SLC45A2: variants seen among roughly 807,000 people sequenced by gnomAD.
The protein encoded by SLC45A2 is solute carrier family 45 member 2.
Under a neutral mutation model 45.5 loss-of-function variants are expected in SLC45A2, and 36 were observed. That is an observed-to-expected ratio of 0.79 (90% CI 0.61 to 1.04). SLC45A2 has a LOEUF of 1.04. Ranked by LOEUF, SLC45A2 falls within the 50% of genes least tolerant of loss-of-function variation. The pLI, the probability that SLC45A2 is intolerant of heterozygous loss-of-function variation, is 0.00. For missense variants in SLC45A2, 719 were observed against 671.0 expected (o/e 1.07, Z -0.79); for synonymous variants, 306 against 269.3 (o/e 1.14, Z -1.33).
At chr5:33,946,445 G>A in intron 6 of SLC45A2, 1 of 985,662 alleles carries the variant, frequency 1.0e-6, no homozygotes, top group South Asian at 4.7e-5. Context: ...TCCAGTTAAG[G>A]AACTATAAGC....
At chr5:33,955,982 C>T (rs1437775632) in intron 3 of SLC45A2, among the ~76,000 whole-genome samples, 3 of 151,960 alleles carry the variant, frequency 2.0e-5, no homozygotes, top group East Asian at 1.9e-4. Context: ...CAGCAGTTTA[C>T]AAATGGATAA....
At chr5:33,975,151 T>C (rs1752891338) in intron 2 of SLC45A2, among the ~76,000 whole-genome samples, 1 of 152,210 alleles carries the variant, frequency 6.6e-6, no homozygotes, top group African/African-American at 2.4e-5. Context: ...AGCAAAGACA[T>C]GCACGGGAGA....
At chr5:33,960,324 T>C (rs948148320) in intron 3 of SLC45A2, among the ~76,000 whole-genome samples, 32 of 152,114 alleles carry the variant, frequency 2.1e-4, no homozygotes, top group African/African-American at 7.7e-4. Flanking sequence ...CACTTGTTGA[T>C]TGATGGGCAT....
At chr5:33,977,311 A>T (rs1405529825) in intron 2 of SLC45A2, among the ~76,000 whole-genome samples, 1 of 152,182 alleles carries the variant, frequency 6.6e-6, no homozygotes, top group Non-Finnish European at 1.5e-5. Flanking sequence ...AACAGACCAT[A>T]AAGGCCCCAG....
intron 2 of SLC45A2, among the ~76,000 whole-genome samples, chr5:33,973,193 C>T (rs943394856): frequency 6.6e-6 from 1 of 152,126 alleles, no homozygotes; most frequent in African/African-American, 2.4e-5. Context: ...GGACAAAGTC[C>T]CCCAGATTCC....
intron 5 of SLC45A2, among the ~76,000 whole-genome samples, chr5:33,948,548 G>A (rs1024780112): frequency 6.6e-6 from 1 of 152,138 alleles, no homozygotes; most frequent in African/African-American, 2.4e-5. Context: ...CAGTACATTT[G>A]AATCAATTAT....
At chr5:33,956,650 T>C (rs1485429125) in intron 3 of SLC45A2, among the ~76,000 whole-genome samples, 1 of 152,166 alleles carries the variant, frequency 6.6e-6, no homozygotes, top group African/African-American at 2.4e-5. Context: ...ACAAGGGCAA[T>C]GTTGTGATAA....
chr5:33,982,462 C>G, intron 1 of SLC45A2, 50 bp from the exon 2 acceptor site: 1 of 1,577,330 alleles, frequency 6.3e-7, no homozygotes, highest in Non-Finnish European at 8.7e-7. Context: ...TAGAATCATC[C>G]GCGTTTTGTA....
intron 2 of SLC45A2, among the ~76,000 whole-genome samples, chr5:33,972,890 T>A (rs1341001456): frequency 1.3e-5 from 2 of 152,232 alleles, no homozygotes; most frequent in Admixed American, 1.3e-4. Context: ...TAGGTGAGCA[T>A]TTTGTAAAAC....
chr5:33,945,046 T>C (rs1232158351), intron 6 of SLC45A2, among the ~76,000 whole-genome samples, 174 bp from the exon 7 acceptor site: 1 of 152,240 alleles, frequency 6.6e-6, no homozygotes, highest in African/African-American at 2.4e-5. Flanking sequence ...GCAGGGGCAA[T>C]GTGGAGCTGA....
At chr5:33,952,017 A>C (rs948649813) in intron 4 of SLC45A2, among the ~76,000 whole-genome samples, 1 of 152,146 alleles carries the variant, frequency 6.6e-6, no homozygotes, top group African/African-American at 2.4e-5. Flanking sequence ...CACATGGGCC[A>C]TTCCTGTTCC....
At position 33,984,351 on chromosome 5, in the gene SLC45A2, G is replaced by C; in HGVS notation, c.233C>G (p.Pro78Arg). The C allele has an allele frequency of 6.2e-7, 1 of 1,614,066 alleles. No homozygotes were observed. The highest frequency in any genetic ancestry group is 8.5e-7 in the Non-Finnish European group (1 of 1,179,996). ...SLYSIVWFLS[P>R]ILGFLLQPVV... ...GGGCTGCAGCAGGAATCCCAGGATG[G>C]GGCTGAGGAACCACACAATGCTGTA... Residue 78 changes from proline (P) to arginine (R), a missense_variant, in exon 1 of 7, where the codon CCC becomes CGC. Pro to Arg is a moderately radical substitution (Grantham distance 103). Transcript: ENST00000296589.
chr5:33,981,656 C>G (rs1285876471), intron 2 of SLC45A2, among the ~76,000 whole-genome samples: 1 of 152,240 alleles, frequency 6.6e-6, no homozygotes, highest in Admixed American at 6.5e-5. Context: ...CATTTTCCTC[C>G]TGGCATGAAC....
intron 3 of SLC45A2, among the ~76,000 whole-genome samples, chr5:33,957,123 A>G (rs571305178): frequency 4.6e-5 from 7 of 152,192 alleles, no homozygotes; most frequent in Non-Finnish European, 8.8e-5. Context: ...TTGAAATACA[A>G]AAAATGATAA....
chr5:33,968,395 G>C (rs1262499145), intron 2 of SLC45A2, among the ~76,000 whole-genome samples: 4 of 152,156 alleles, frequency 2.6e-5, no homozygotes, highest in Admixed American at 6.5e-5. Context: ...CAGGCTATTG[G>C]GCAAGCCATA....
chr5:33,949,165 C>T (rs1175935313), intron 5 of SLC45A2, among the ~76,000 whole-genome samples: 2 of 152,152 alleles, frequency 1.3e-5, no homozygotes, highest in Non-Finnish European at 2.9e-5. Context: ...GAAACAAGTC[C>T]CTATCAGCAC....
At chr5:33,958,304 G>A (rs2111941597) in intron 3 of SLC45A2, among the ~76,000 whole-genome samples, 1 of 152,186 alleles carries the variant, frequency 6.6e-6, no homozygotes, top group Non-Finnish European at 1.5e-5. Flanking sequence ...AAATTACACA[G>A]CCACCCTTAT....
intron 2 of SLC45A2, chr5:33,972,134 G>T (rs1752799010): frequency 1.9e-6 from 1 of 519,316 alleles, no homozygotes; most frequent in Non-Finnish European, 4.0e-6. Flanking sequence ...GTTTAATTAT[G>T]CCAGGGACCA....
intron 3 of SLC45A2, among the ~76,000 whole-genome samples, chr5:33,955,326 CAGATGAGAAT>C (rs1429740521): frequency 6.6e-6 from 1 of 152,202 alleles, no homozygotes; most frequent in African/African-American, 2.4e-5. Context: ...ACTGAGCTTC[CAGATGAGAAT>C]ACAGCTCTGC....
Sources: allele counts gnomAD v4.1 joint callset (sites outside exome capture counted in the v4.1 genomes callset), GRCh38; gene constraint gnomAD v4.1.1; transcripts MANE v1.5; gene names NCBI Gene and HGNC (gene_info 2026-07-23, HGNC 2026-07-21).